CASZ1: variants seen among roughly 807,000 people sequenced by gnomAD.
The protein encoded by CASZ1 is zinc finger protein castor homolog 1.
CASZ1 carries 28 observed loss-of-function variants against 135.2 expected under a neutral mutation model. The observed-to-expected ratio is 0.21, with a 90% CI of 0.15 to 0.28. The LOEUF is 0.28. CASZ1 is among the 10% of genes least tolerant of loss of function. CASZ1 has a pLI of 1.00. For missense variants in CASZ1, 2,161 were observed against 2,453.3 expected (o/e 0.88, Z 2.52); for synonymous variants, 1,068 against 1,073.4 (o/e 0.99, Z 0.10).
At chr1:10,722,157 C>T (rs1639508710) in intron 2 of CASZ1, among the ~76,000 whole-genome samples, 1 of 152,238 alleles carries the variant, frequency 6.6e-6, no homozygotes, top group South Asian at 2.1e-4. Context: ...CCACCGTCTC[C>T]CCTGAGCGGC....
chr1:10,648,934 G>T, intron 15 of CASZ1, 136 bp downstream of exon 15: 1 of 1,239,574 alleles, frequency 8.1e-7, no homozygotes, highest in Non-Finnish European at 1.1e-6. Context: ...ACCCTTGCTG[G>T]GGCAGCATCT....
At chr1:10,712,718 A>AC (rs578136470) in intron 2 of CASZ1, among the ~76,000 whole-genome samples, 110 of 151,170 alleles carry the variant, frequency 7.3e-4, no homozygotes, top group Middle Eastern at 6.8e-3. Context: ...TCCCCTTAGG[A>AC]CCCCCCCGCT....
chr1:10,729,900 C>T (rs1391232494), intron 2 of CASZ1, among the ~76,000 whole-genome samples: 1 of 152,128 alleles, frequency 6.6e-6, no homozygotes, highest in Non-Finnish European at 1.5e-5. Context: ...ACTGCAACTT[C>T]CGCCTCCCAG....
At chr1:10,753,009 C>T (rs574674171) in intron 2 of CASZ1, among the ~76,000 whole-genome samples, 13 of 152,252 alleles carry the variant, frequency 8.5e-5, no homozygotes, top group African/African-American at 2.9e-4. Flanking sequence ...TGCACTCCAG[C>T]CTGGGCAGCA....
chr1:10,644,828 G>T (rs928499702), intron 18 of CASZ1, 89 bp downstream of exon 18: 1 of 1,362,056 alleles, frequency 7.3e-7, no homozygotes. Flanking sequence ...GGAACAGGAC[G>T]CGGGTACCAG....
In CASZ1 at chr1:10,637,120, C is replaced by CT. The variant is rs543561768; in HGVS notation, c.*1821dup. 0.05 allele frequency: 7,301 copies of CT among 144,736 alleles called. 221 individuals are homozygous for CT. The highest frequency in any genetic ancestry group is 0.1 in the Middle Eastern group (29 of 280). The allele number at this position is 144,736 out of a possible 1,614,324, so 9.0% of individuals were successfully genotyped here. The stretch of plus-strand genomic sequence containing the variant: ...ACTGTCGGCATCTTCTTCTTTTCTT[C>CT]TTTTTTTTTTTTAAGTTTGATTTTG... On this transcript the variant is annotated 3_prime_UTR_variant, in exon 21 of 21. Coordinates refer to ENST00000377022, the MANE Select transcript of CASZ1 (RefSeq NM_001079843.3).
intron 4 of CASZ1, among the ~76,000 whole-genome samples, chr1:10,681,634 A>G (rs1486439753): frequency 6.6e-6 from 1 of 152,252 alleles, no homozygotes; most frequent in Non-Finnish European, 1.5e-5. Context: ...CCAGACTGCA[A>G]GATCCCTGGG....
rs1238746772 is a variant in CASZ1 at position 10,720,118 on chromosome 1, T to C, written c.-76-14574A>G. ...GCTGCAAGTTCTGAAGTCTGGTAGG[T>C]ACCGATGGGCATGTGATCTGGCCTC... On this transcript the variant is annotated intron_variant, in intron 2 of 20. Transcript: ENST00000377022. This position sits in a 1 kb window ranked among gnomAD's most constrained non-coding sequence, Gnocchi z 5.7. 6.6e-6 allele frequency among the ~76,000 whole-genome samples: 1 copy of C among 152,200 alleles called. No homozygotes were observed. The highest frequency in any genetic ancestry group is 1.5e-5 in the Non-Finnish European group (1 of 68,032).
In CASZ1 at chr1:10,767,188, T is replaced by C. The variant is rs764305714; in HGVS notation, c.-233-6331A>G. On this transcript the variant is annotated intron_variant, in intron 1 of 20. Coordinates refer to ENST00000377022, the MANE Select transcript of CASZ1 (RefSeq NM_001079843.3). The surrounding 1 kb of genome is among the most constrained non-coding windows in gnomAD (Gnocchi z 4.2). ...GGAGGAACGAGGAGTGGGGAAAAGA[T>C]GGGGCCCGGTCGTCCACATTCCTCA... Among the ~76,000 whole-genome samples the C allele has an allele frequency of 3.9e-5, 6 of 152,176 alleles. No individual in the cohort carries two copies. Among genetic ancestry groups the C allele is most frequent in the Non-Finnish European group, 7.4e-5 (5 of 68,012 alleles).
rs556837123 is a variant in CASZ1, at chr1:10,759,273, G to A, written c.-77+1428C>T. 5.3e-4 allele frequency among the ~76,000 whole-genome samples: 80 copies of A among 152,178 alleles called. No individual in the cohort carries two copies. The highest frequency in any genetic ancestry group is 1.0e-3 in the Non-Finnish European group (68 of 68,038). On this transcript the variant is annotated intron_variant, in intron 2 of 20. Coordinates refer to ENST00000377022, the MANE Select transcript of CASZ1 (RefSeq NM_001079843.3). This position sits in a 1 kb window ranked among gnomAD's most constrained non-coding sequence, Gnocchi z 4.2. ...ATGATCATCAGAGGAAGCAGAGTCTGTTAAGAATAGCCCGGGAAGGTGGCA... is the reference window on the plus strand; with the variant it reads ...ATGATCATCAGAGGAAGCAGAGTCTATTAAGAATAGCCCGGGAAGGTGGCA...
rs1399835697 is a variant in CASZ1 at position 10,776,168 on chromosome 1, C to G, written c.-233-15311G>C. Among the ~76,000 whole-genome samples the G allele has an allele frequency of 1.3e-5, 2 of 152,214 alleles. No individual in the cohort carries two copies. The highest frequency in any genetic ancestry group is 4.8e-5 in the African/African-American group (2 of 41,458). ...AATTTTACTATTTTATTAGTGCAAA[C>G]AAAATGGTAATAAAACACTAATACA... On this transcript the variant is annotated intron_variant, in intron 1 of 20. Transcript: ENST00000377022. The surrounding 1 kb of genome is among the most constrained non-coding windows in gnomAD (Gnocchi z 4.1).
At chr1:10,689,704 T>C (rs892386137) in intron 4 of CASZ1, among the ~76,000 whole-genome samples, 1 of 152,226 alleles carries the variant, frequency 6.6e-6, no homozygotes, top group Non-Finnish European at 1.5e-5. Flanking sequence ...CAGAGCTGCC[T>C]GTCTCCAATG....
At chr1:10,782,246 G>C (rs1354022414) in intron 1 of CASZ1, among the ~76,000 whole-genome samples, 1 of 152,212 alleles carries the variant, frequency 6.6e-6, no homozygotes, top group African/African-American at 2.4e-5. Flanking sequence ...GGGAGGTCTA[G>C]GGACACGGGG....
intron 4 of CASZ1, among the ~76,000 whole-genome samples, chr1:10,689,032 G>T (rs796938962): frequency 6.6e-6 from 1 of 152,196 alleles, no homozygotes; most frequent in South Asian, 2.1e-4. Flanking sequence ...GGCCAGGGTG[G>T]TCAGGGTGTA....
intron 2 of CASZ1, among the ~76,000 whole-genome samples, chr1:10,748,341 C>T (rs1640086451): frequency 6.6e-6 from 1 of 152,190 alleles, no homozygotes; most frequent in African/African-American, 2.4e-5. Context: ...ATTTCCTTTC[C>T]CGTTTCTCAA....
chr1:10,663,529 G>A (rs1386024488), intron 5 of CASZ1, among the ~76,000 whole-genome samples: 2 of 152,230 alleles, frequency 1.3e-5, no homozygotes, highest in Non-Finnish European at 2.9e-5. Flanking sequence ...GTGGCTCAGG[G>A]ACCAGGGAAA....
At position 10,699,103 on chromosome 1, in the gene CASZ1, T is replaced by A. The variant is rs1403165036; in HGVS notation, c.-23-5191A>T. Reference sequence around the variant, plus strand: ...GCTCCATGGCCCAGAGGCTGCTTGCTCCAGGGCGTTCTCAGGGGCCCATGA... The same window carrying A: ...GCTCCATGGCCCAGAGGCTGCTTGCACCAGGGCGTTCTCAGGGGCCCATGA... On this transcript the variant is annotated intron_variant, in intron 3 of 20. Transcript: ENST00000377022. The surrounding 1 kb of genome is among the most constrained non-coding windows in gnomAD (Gnocchi z 4.6). 6.6e-6 allele frequency among the ~76,000 whole-genome samples: 1 copy of A among 152,220 alleles called. No individual in the cohort carries two copies. Among genetic ancestry groups the A allele is most frequent in the Non-Finnish European group, 1.5e-5 (1 of 67,996 alleles).
intron 2 of CASZ1, among the ~76,000 whole-genome samples, chr1:10,723,433 C>A (rs1639540216): frequency 6.6e-6 from 1 of 152,180 alleles, no homozygotes; most frequent in South Asian, 2.1e-4. Context: ...GCATTAAAAC[C>A]ACCCATAAAA....
At chr1:10,650,881 G>A (rs1642552952) in intron 12 of CASZ1, 60 bp downstream of exon 12, 6 of 1,605,584 alleles carry the variant, frequency 3.7e-6, no homozygotes, top group African/African-American at 1.3e-5. Context: ...GGACCACCCC[G>A]GGGCTCCAGC....
Sources: allele counts gnomAD v4.1 joint callset (sites outside exome capture counted in the v4.1 genomes callset), GRCh38; gene constraint gnomAD v4.1.1; non-coding constraint Gnocchi (gnomAD v3.1); transcripts MANE v1.5; gene names NCBI Gene and HGNC (gene_info 2026-07-23, HGNC 2026-07-21).